Variants in SAMD3 observed in about 807,000 individuals in gnomAD.
SAMD3 encodes sterile alpha motif domain-containing protein 3.
A neutral mutation model predicts 58.5 loss-of-function variants in SAMD3; 63 were observed. The ratio of observed to expected loss-of-function variants is 1.08; its 90% CI spans 0.88 to 1.33. The LOEUF (loss-of-function observed/expected upper bound fraction) is 1.33. Ranked by LOEUF, SAMD3 falls within the 40% of genes most tolerant of loss-of-function variation. SAMD3 has a pLI of 0.00. For missense variants in SAMD3, 604 were observed against 608.4 expected (o/e 0.99, Z 0.08); for synonymous variants, 220 against 210.3 (o/e 1.05, Z -0.40).
At chr6:130,344,852 A>T (rs1026145555) in intron 1 of SAMD3, among the ~76,000 whole-genome samples, 1 of 149,898 alleles carries the variant, frequency 6.7e-6, no homozygotes, top group Admixed American at 6.6e-5. Flanking sequence ...AAAAAAAAAA[A>T]AGAGAAAGAC....
At position 130,282,136 on chromosome 6, in the gene SAMD3, G is replaced by A. The variant is rs372148051; in HGVS notation, c.-188+30842C>T. On this transcript the variant is annotated intron_variant, in intron 2 of 13. Transcript: ENST00000368134. ...ATATTCACACAAGCCACACACACACGCACACACACAAGCACACACGCACAC... is the reference window on the plus strand; with the variant it reads ...ATATTCACACAAGCCACACACACACACACACACACAAGCACACACGCACAC... Among the ~76,000 whole-genome samples, 19 of 133,768 alleles carry A rather than the reference G, an allele frequency of 1.4e-4. No homozygotes were observed. The East Asian group carries it at 1.7e-3, about 12-fold the overall frequency. 87.8% of individuals were successfully genotyped at this position (133,768 alleles called of 152,430 possible).
chr6:130,335,215 T>A (rs200876322), intron 1 of SAMD3, among the ~76,000 whole-genome samples: 13 of 152,214 alleles, frequency 8.5e-5, no homozygotes, highest in Non-Finnish European at 1.6e-4. Context: ...GTTCTCTCCC[T>A]GTATGAGTAG....
In SAMD3 at chr6:130,152,115, C is replaced by T. The variant is rs143082863; in HGVS notation, c.1023+2710G>A. Among the ~76,000 whole-genome samples the T allele has an allele frequency of 3.3e-3, 495 of 152,236 alleles. 4 individuals carry two copies. Among genetic ancestry groups the T allele is most frequent in the African/African-American group, 0.011 (465 of 41,542 alleles). ...TAACAGCCAGGACCACCGCCCACCC[C>T]GGCTGCTGCTGTTCTGCCACCCTGT... On this transcript the variant is annotated intron_variant, in intron 9 of 11. Transcript: ENST00000439090.
chr6:130,278,462 C>T (rs150130594), intron 2 of SAMD3, among the ~76,000 whole-genome samples: 61 of 152,298 alleles, frequency 4.0e-4, no homozygotes, highest in African/African-American at 1.4e-3. Context: ...ACCCATTGGG[C>T]AGTTACAAAT....
chr6:130,154,943 CA>C lies in SAMD3; in HGVS notation c.904del (p.Trp302GlyfsTer8). On this transcript the variant is annotated frameshift_variant, in exon 9 of 12. Coordinates refer to ENST00000439090, the MANE Select transcript of SAMD3 (RefSeq NM_001017373.4). LOFTEE classifies it high-confidence loss of function. ...GCTCATTCTCTTGTCAATTTCTCTCCAGTCCTTTTCTGTTTTCACGTATTCT... is the reference window on the plus strand; with the variant it reads ...GCTCATTCTCTTGTCAATTTCTCTCCGTCCTTTTCTGTTTTCACGTATTCT... ...QQEYVKTEKDWREIDKRMSQT... is the reference protein window; with the variant it reads ...QQEYVKTEKDXREIDKRMSQT... The C allele has an allele frequency of 6.2e-7, 1 of 1,613,426 alleles. No homozygotes were observed. The highest frequency in any genetic ancestry group is 8.5e-7 in the Non-Finnish European group (1 of 1,179,682).
chr6:130,170,628 G>A (rs1791161468), intron 8 of SAMD3, among the ~76,000 whole-genome samples: 1 of 152,180 alleles, frequency 6.6e-6, no homozygotes, highest in Non-Finnish European at 1.5e-5. Context: ...TTCTTGAGCA[G>A]TGGTTTGTAG....
At chr6:130,350,725 A>G (rs1384002244) in intron 1 of SAMD3, among the ~76,000 whole-genome samples, 1 of 152,204 alleles carries the variant, frequency 6.6e-6, no homozygotes, top group Non-Finnish European at 1.5e-5. Flanking sequence ...AAACTACTTT[A>G]AAGTTCATAT....
chr6:130,146,243 A>G (rs1390498266), intron 9 of SAMD3, 62 bp from the exon 10 acceptor site: 5 of 1,056,242 alleles, frequency 4.7e-6, no homozygotes, highest in Non-Finnish European at 6.5e-6. Flanking sequence ...TATAGAATGT[A>G]AAGACATAAA....
intron 7 of SAMD3, among the ~76,000 whole-genome samples, chr6:130,181,457 A>G (rs1792324949): frequency 6.6e-6 from 1 of 152,014 alleles, no homozygotes; most frequent in East Asian, 1.9e-4. Context: ...TTCTCCTTCT[A>G]CTCTATGAGT....
chr6:130,177,116 G>A (rs1056306958), intron 7 of SAMD3, among the ~76,000 whole-genome samples: 1 of 152,156 alleles, frequency 6.6e-6, no homozygotes, highest in African/African-American at 2.4e-5. Flanking sequence ...GGACCTGTTA[G>A]AGCACAGGTT....
intron 1 of SAMD3, among the ~76,000 whole-genome samples, chr6:130,346,829 C>T (rs960483286): frequency 6.6e-6 from 1 of 152,166 alleles, no homozygotes; most frequent in East Asian, 1.9e-4. Context: ...AGGCACCCCC[C>T]CAGTAGGGGT....
chr6:130,208,206 G>C (rs1156730867), intron 5 of SAMD3, among the ~76,000 whole-genome samples: 1 of 152,250 alleles, frequency 6.6e-6, no homozygotes, highest in African/African-American at 2.4e-5. Context: ...TCCTTGCTTG[G>C]CTATTACCCG....
At chr6:130,328,721 C>T (rs181202358) in intron 1 of SAMD3, among the ~76,000 whole-genome samples, 118 of 152,284 alleles carry the variant, frequency 7.7e-4, no homozygotes, top group Non-Finnish European at 9.0e-4. Flanking sequence ...AATTTCTGAA[C>T]CTTAGAAAAG....
At chr6:130,315,974 C>T (rs940262934) in intron 1 of SAMD3, among the ~76,000 whole-genome samples, 56 of 152,168 alleles carry the variant, frequency 3.7e-4, no homozygotes, top group African/African-American at 1.3e-3. Context: ...TCTTTCTTCA[C>T]ACTCTCAAAG....
chr6:130,344,196 A>G (rs1777370479), intron 1 of SAMD3, among the ~76,000 whole-genome samples: 3 of 152,188 alleles, frequency 2.0e-5, no homozygotes, highest in Non-Finnish European at 4.4e-5. Flanking sequence ...TCTAACTCCA[A>G]CTAGTAAGAA....
At chr6:130,208,476 T>C (rs1795264310) in intron 5 of SAMD3, among the ~76,000 whole-genome samples, 1 of 152,152 alleles carries the variant, frequency 6.6e-6, no homozygotes, top group African/African-American at 2.4e-5. Context: ...TCTGTATTTA[T>C]AGCCACACCC....
intron 2 of SAMD3, among the ~76,000 whole-genome samples, chr6:130,282,336 C>T (rs143282263): frequency 1.3e-5 from 2 of 151,698 alleles, no homozygotes; most frequent in African/African-American, 4.8e-5. Context: ...ATTCTACTAC[C>T]AACACCTATG....
intron 1 of SAMD3, among the ~76,000 whole-genome samples, chr6:130,333,044 CGT>C (rs10529435): frequency 0.025 from 3,633 of 143,560 alleles, 62 homozygotes; most frequent in African/African-American, 0.052. Flanking sequence ...GTTGAGTATG[CGT>C]GTGTGTGTGT....
At chr6:130,300,407 G>C (rs1173884838) in intron 2 of SAMD3, among the ~76,000 whole-genome samples, 1 of 152,058 alleles carries the variant, frequency 6.6e-6, no homozygotes, top group African/African-American at 2.4e-5. Context: ...AAAATCCAAT[G>C]TCTCTTCATG....
Sources: gnomAD v4.1 joint callset for allele counts (sites outside exome capture counted in the v4.1 genomes callset) on GRCh38, gnomAD v4.1.1 for gene constraint, MANE v1.5 for transcripts, NCBI Gene and HGNC (gene_info 2026-07-23, HGNC 2026-07-21) for gene names.